Variants in DYNC1I1 observed in about 807,000 individuals in gnomAD.
DYNC1I1 encodes cytoplasmic dynein 1 intermediate chain 1.
Under a neutral mutation model 86.6 loss-of-function variants are expected in DYNC1I1, and 43 were observed. The observed-to-expected ratio is 0.50, with a 90% CI of 0.39 to 0.64. The LOEUF (loss-of-function observed/expected upper bound fraction) is 0.64, where lower values mean the gene tolerates loss of function less well. DYNC1I1 is among the 30% of genes least tolerant of loss of function. The pLI is 0.00. For synonymous variants in DYNC1I1, 262 were observed against 283.7 expected (o/e 0.92, Z 0.77); for missense variants, 604 against 788.8 (o/e 0.77, Z 2.81).
intron 6 of DYNC1I1, among the ~76,000 whole-genome samples, chr7:95,962,905 T>G (rs1356417264): frequency 6.6e-6 from 1 of 152,194 alleles, no homozygotes; most frequent in Non-Finnish European, 1.5e-5. Flanking sequence ...TGACATCAGT[T>G]GAAACACTAT....
chr7:95,970,131 T>TGGTCCA (rs1793127805), intron 6 of DYNC1I1, among the ~76,000 whole-genome samples: 1 of 152,146 alleles, frequency 6.6e-6, no homozygotes, highest in African/African-American at 2.4e-5. Flanking sequence ...GGTCCAAGGA[T>TGGTCCA]AGGGTGGCTT....
chr7:95,958,500 G>A (rs137870777), intron 6 of DYNC1I1, among the ~76,000 whole-genome samples: 1 of 152,066 alleles, frequency 6.6e-6, no homozygotes, highest in African/African-American at 2.4e-5. Flanking sequence ...GATCAAGGCT[G>A]CAGTGAGCTG....
At position 96,097,974 on chromosome 7, in the gene DYNC1I1, T is replaced by A; in HGVS notation, c.*381T>A. ...GAAGCCAGATATGATTGGGTGCAGA[T>A]GTGGTGTTCCTCATATTATGGTACA... On this transcript the variant is annotated 3_prime_UTR_variant, in exon 17 of 17. Transcript: ENST00000447467. The A allele has an allele frequency of 9.9e-7, 1 of 1,005,986 alleles. No individual in the cohort carries two copies. Among genetic ancestry groups the A allele is most frequent in the South Asian group, 4.4e-5 (1 of 22,804 alleles). The allele number at this position is 1,005,986 out of a possible 1,614,324, so 62.3% of individuals were successfully genotyped here. A position where few individuals can be genotyped will look rare whatever the true frequency, so the allele number is the denominator to read the frequency against.
intron 5 of DYNC1I1, chr7:95,837,624 C>G (rs1412396758): frequency 6.4e-6 from 1 of 156,822 alleles, no homozygotes; most frequent in Non-Finnish European, 1.4e-5. Context: ...AGCCAGACTC[C>G]GTGGGCGTAG....
chr7:95,935,964 T>A (rs1371032788), intron 6 of DYNC1I1, among the ~76,000 whole-genome samples: 1 of 151,962 alleles, frequency 6.6e-6, no homozygotes, highest in African/African-American at 2.4e-5. Flanking sequence ...TTAGTGAGGA[T>A]GTGGAGAAAT....
intron 9 of DYNC1I1, among the ~76,000 whole-genome samples, chr7:95,988,223 A>G (rs1229190328): frequency 6.6e-6 from 1 of 152,146 alleles, no homozygotes; most frequent in East Asian, 1.9e-4. Context: ...CTAAAAATGC[A>G]AAAAGTAGCC....
Position 95,984,877 on chromosome 7 carries a change from A to T in DYNC1I1, c.643A>T (p.Ile215Phe). ...QQILHSEEFL[I>F]FFDRTIRVIE... ...GATCCTTCATTCAGAGGAATTTCTC[A>T]TCTTTTTTGACCGGACAATACGGGT... is the stretch of plus-strand genomic sequence containing the variant. Residue 215 changes from isoleucine (I) to phenylalanine (F), a missense_variant, in exon 8 of 17, where the codon ATC becomes TTC. Ile to Phe is a conservative substitution (Grantham distance 21, BLOSUM62 0). Coordinates refer to ENST00000447467, the MANE Select transcript of DYNC1I1 (RefSeq NM_001135556.2). 6.2e-7 allele frequency: 1 copy of T among 1,612,848 alleles called. No individual in the cohort carries two copies. Among genetic ancestry groups the T allele is most frequent in the Non-Finnish European group, 8.5e-7 (1 of 1,179,094 alleles).
chr7:96,078,073 A>G (rs1790397282), intron 15 of DYNC1I1, among the ~76,000 whole-genome samples: 1 of 152,150 alleles, frequency 6.6e-6, no homozygotes, highest in African/African-American at 2.4e-5. Flanking sequence ...GTCTTCTGGC[A>G]AGTTGAACAA....
At chr7:95,856,072 A>T (rs1483550292) in intron 5 of DYNC1I1, among the ~76,000 whole-genome samples, 2 of 152,200 alleles carry the variant, frequency 1.3e-5, no homozygotes, top group Admixed American at 6.5e-5. Flanking sequence ...GATAACATTT[A>T]GCTTAAAACA....
chr7:95,986,401 G>T (rs990045535), intron 8 of DYNC1I1, among the ~76,000 whole-genome samples: 1 of 152,118 alleles, frequency 6.6e-6, no homozygotes, highest in Non-Finnish European at 1.5e-5. Context: ...CTTGAAGGAG[G>T]TGTTATGGCC....
At chr7:96,102,125 A>G (rs534543160), downstream of DYNC1I1, among the ~76,000 whole-genome samples, 1 of 152,152 alleles carries the variant, frequency 6.6e-6, no homozygotes, top group Non-Finnish European at 1.5e-5. Flanking sequence ...TGATGGATGA[A>G]TGCATTCTTT....
intron 10 of DYNC1I1, among the ~76,000 whole-genome samples, chr7:96,006,776 A>G (rs1338333657): frequency 6.6e-6 from 1 of 152,256 alleles, no homozygotes; most frequent in Admixed American, 6.5e-5. Flanking sequence ...GTCCTCTGAT[A>G]TGACAGCTGC....
intron 6 of DYNC1I1, among the ~76,000 whole-genome samples, chr7:95,955,001 T>C (rs75696295): frequency 0.032 from 4,855 of 151,586 alleles, 213 homozygotes; most frequent in African/African-American, 0.097. Flanking sequence ...CATATGTCAG[T>C]GCTATGCAAC....
At chr7:96,022,908 C>T (rs1263464228) in intron 10 of DYNC1I1, among the ~76,000 whole-genome samples, 3 of 151,516 alleles carry the variant, frequency 2.0e-5, no homozygotes, top group Non-Finnish European at 4.4e-5. Context: ...AAAAAAGACC[C>T]TTTCCCTTCA....
intron 1 of DYNC1I1, among the ~76,000 whole-genome samples, chr7:95,800,533 G>C (rs1288565493): frequency 6.6e-6 from 1 of 152,166 alleles, no homozygotes; most frequent in Non-Finnish European, 1.5e-5. Context: ...CGAGGATGCT[G>C]AGCAGGAGGT....
chr7:95,893,214 G>A (rs1790790209), intron 6 of DYNC1I1, among the ~76,000 whole-genome samples: 1 of 152,118 alleles, frequency 6.6e-6, no homozygotes, highest in Admixed American at 6.5e-5. Context: ...ATGTTGAGGA[G>A]TCAGACAAAA....
At chr7:95,936,043 G>A (rs536087930) in intron 6 of DYNC1I1, among the ~76,000 whole-genome samples, 2 of 152,048 alleles carry the variant, frequency 1.3e-5, no homozygotes, top group South Asian at 2.1e-4. Flanking sequence ...CATTAAAGGA[G>A]CTAGTCAGAT....
At chr7:96,006,067 T>C (rs770763933) in intron 10 of DYNC1I1, among the ~76,000 whole-genome samples, 2 of 152,194 alleles carry the variant, frequency 1.3e-5, no homozygotes, top group Non-Finnish European at 2.9e-5. Context: ...CAGGAATTTG[T>C]GTGGATTCAT....
intron 6 of DYNC1I1, among the ~76,000 whole-genome samples, chr7:95,893,983 A>T (rs1413186084): frequency 6.6e-6 from 1 of 152,122 alleles, no homozygotes; most frequent in Non-Finnish European, 1.5e-5. Context: ...TCAGTGGATA[A>T]CCCTTTCCCA....
Sources: gnomAD v4.1 joint callset for allele counts (sites outside exome capture counted in the v4.1 genomes callset) on GRCh38, gnomAD v4.1.1 for gene constraint, MANE v1.5 for transcripts, NCBI Gene and HGNC (gene_info 2026-07-23, HGNC 2026-07-21) for gene names.